SETD2: variants seen among roughly 807,000 people sequenced by gnomAD.
SETD2 encodes the protein histone-lysine N-methyltransferase SETD2.
A neutral mutation model predicts 242.1 loss-of-function variants in SETD2; 31 were observed. The observed-to-expected ratio is 0.13, with a 90% confidence interval of 0.10 to 0.17. The LOEUF (loss-of-function observed/expected upper bound fraction) is 0.17. SETD2 is among the 10% of genes least tolerant of loss of function. The probability of loss-of-function intolerance (pLI) is 1.00; values close to 1 mark genes in which losing one functional copy is unlikely to be tolerated. For missense variants in SETD2, 2,481 were observed against 3,046.3 expected (o/e 0.81, Z 4.37); for synonymous variants, 1,006 against 1,066.5 (o/e 0.94, Z 1.11).
chr3:47,128,501 C>G (rs937219323), intron 1 of SETD2, among the ~76,000 whole-genome samples: 1 of 152,078 alleles, frequency 6.6e-6, no homozygotes, highest in African/African-American at 2.4e-5. Context: ...CATATAAAAC[C>G]CTTTTCCCCA....
At position 47,152,514 on chromosome 3, in the gene SETD2, C is replaced by T. The variant is rs549004618; in HGVS notation, c.71+11340G>A. On this transcript the variant is annotated intron_variant, in intron 1 of 20. Transcript: ENST00000409792. Reference sequence around the variant, plus strand: ...GTATTTGCTCCACTTTACATTCACACAAAACTCATAAAAAATTTAAACTTT... The same window carrying T: ...GTATTTGCTCCACTTTACATTCACATAAAACTCATAAAAAATTTAAACTTT... Among the ~76,000 whole-genome samples, 3 of 152,276 alleles carry T rather than the reference C, an allele frequency of 2.0e-5. No homozygotes were observed. In the South Asian group the frequency reaches 6.2e-4, roughly 32 times the overall value.
At chr3:47,131,514 T>C (rs2043474753) in intron 1 of SETD2, among the ~76,000 whole-genome samples, 1 of 151,412 alleles carries the variant, frequency 6.6e-6, no homozygotes, top group South Asian at 2.1e-4. Context: ...CGGCTAATTT[T>C]TTGCATTTTT....
Position 47,158,373 on chromosome 3 carries a change from A to G in SETD2, c.71+5481T>C, listed in dbSNP as rs185271283. ...ACTTATACACAGATTTTTTTCAATAAAAGTTACACACCTTGTGCCTGCCTC... is the reference window on the plus strand; with the variant it reads ...ACTTATACACAGATTTTTTTCAATAGAAGTTACACACCTTGTGCCTGCCTC... On this transcript the variant is annotated intron_variant, in intron 1 of 20. Transcript: ENST00000409792. Among the ~76,000 whole-genome samples, 298 of 152,258 alleles carry G rather than the reference A, an allele frequency of 2.0e-3. 3 individuals carry two copies. The highest frequency in any genetic ancestry group is 6.5e-3 in the African/African-American group (272 of 41,544).
At chr3:47,060,577 G>C (rs2107585297) in intron 14 of SETD2, among the ~76,000 whole-genome samples, 1 of 151,796 alleles carries the variant, frequency 6.6e-6, no homozygotes. Context: ...GGGACAATTG[G>C]GTATTAAATA....
chr3:47,029,921 C>G (rs565410651), intron 18 of SETD2, among the ~76,000 whole-genome samples: 6 of 152,024 alleles, frequency 3.9e-5, no homozygotes, highest in Non-Finnish European at 8.8e-5. Context: ...TTTGGGAAGC[C>G]CAGATGGGCA....
In SETD2 at chr3:47,123,034, A is replaced by G. The variant is rs1183173051; in HGVS notation, c.1602T>C (p.Pro534=). 6 of 1,613,982 alleles carry G rather than the reference A, an allele frequency of 3.7e-6. No homozygotes were observed. The South Asian group carries it at 4.4e-5, about 12-fold the overall frequency. ...NEAIKRCCSP[P]NELGFRRGSS... The stretch of plus-strand genomic sequence containing the variant: ...ACCCTCGTCGGAATCCCAGTTCATT[A>G]GGGGGAGAACAACATCTTTTAATTG... Residue 534 remains proline (P), a synonymous_variant, in exon 3 of 21, where the codon CCT becomes CCC. Transcript: ENST00000409792.
intron 9 of SETD2, among the ~76,000 whole-genome samples, chr3:47,090,924 T>C (rs1006548711): frequency 1.3e-5 from 2 of 152,222 alleles, no homozygotes; most frequent in Non-Finnish European, 2.9e-5. Context: ...GGCAAGGCAC[T>C]GAACATTTTT....
intron 15 of SETD2, among the ~76,000 whole-genome samples, chr3:47,051,936 T>C (rs968890529): frequency 2.6e-5 from 4 of 152,192 alleles, no homozygotes; most frequent in Non-Finnish European, 4.4e-5. Context: ...TTGATTCATA[T>C]GGAATAAAGC....
Position 47,084,173 on chromosome 3 carries a change from G to A in SETD2, c.5607C>T (p.Asp1869=), listed in dbSNP as rs2041443633. 1 of 1,614,012 alleles carries A rather than the reference G, an allele frequency of 6.2e-7. No homozygotes were observed. Residue 1869 remains aspartate (D), a synonymous_variant, in exon 12 of 21, where the codon GAC becomes GAT. Transcript: ENST00000409792. The stretch of plus-strand genomic sequence containing the variant: ...ACATTAGTTTCTTGGGAGTGTCTGT[G>A]TCAGCTTCTGTGCTCAGCTTGGTGG... ...DPSTKLSTEA[D]TDTPKKLMFR...
intron 12 of SETD2, 135 bp from the exon 13 acceptor site, chr3:47,067,253 T>C: frequency 1.5e-6 from 1 of 683,902 alleles, no homozygotes; most frequent in Non-Finnish European, 2.6e-6. Context: ...ATTTGACTTA[T>C]ATCTGGGCTT....
At chr3:47,107,970 AC>A (rs1237470724) in intron 5 of SETD2, among the ~76,000 whole-genome samples, 1 of 151,672 alleles carries the variant, frequency 6.6e-6, no homozygotes, top group Non-Finnish European at 1.5e-5. Flanking sequence ...ACAGAGCAAG[AC>A]CCCATTGCAT....
At chr3:47,146,015 C>CACA in intron 1 of SETD2, among the ~76,000 whole-genome samples, 1 of 38,692 alleles carries the variant, frequency 2.6e-5, no homozygotes, top group Non-Finnish European at 4.0e-5. Flanking sequence ...GACCCTGTCT[C>CACA]AAAAAAAAAA....
intron 12 of SETD2, among the ~76,000 whole-genome samples, chr3:47,082,339 C>G (rs1559699545): frequency 1.3e-5 from 2 of 152,178 alleles, no homozygotes; most frequent in Non-Finnish European, 2.9e-5. Flanking sequence ...GCTATAAAGG[C>G]CTTTTCTGTG....
chr3:47,060,579 T>C (rs1023215107), intron 14 of SETD2, among the ~76,000 whole-genome samples: 2 of 152,142 alleles, frequency 1.3e-5, no homozygotes, highest in Non-Finnish European at 2.9e-5. Context: ...GACAATTGGG[T>C]ATTAAATAAA....
At position 47,083,787 on chromosome 3, in the gene SETD2, T is replaced by C; in HGVS notation, c.5993A>G (p.Gln1998Arg). Residue 1998 changes from glutamine to arginine, a missense_variant, in exon 12 of 21, where the codon CAG becomes CGG. Coordinates refer to ENST00000409792, the MANE Select transcript of SETD2 (RefSeq NM_014159.7). ...SDVESERSQE[Q>R]PDKTVDISDL... The stretch of plus-strand genomic sequence containing the variant: ...ACTTATATCCACTGTTTTATCTGGC[T>C]GTTCTTGGCTCCTTTCACTCTCCAC... 1 of 1,614,172 alleles carries C rather than the reference T, an allele frequency of 6.2e-7. No homozygotes were observed. Among genetic ancestry groups the C allele is most frequent in the Non-Finnish European group, 8.5e-7 (1 of 1,180,004 alleles).
intron 4 of SETD2, among the ~76,000 whole-genome samples, chr3:47,114,876 CAAAAA>C (rs764948151): frequency 1.8e-5 from 1 of 55,076 alleles, no homozygotes; most frequent in African/African-American, 5.1e-5. Context: ...GAGACTGTCT[CAAAAA>C]AAAAAAAAAA....
intron 18 of SETD2, chr3:47,028,722 A>G (rs559750240): frequency 6.6e-6 from 1 of 152,386 alleles, no homozygotes; most frequent in East Asian, 1.9e-4. Context: ...ATGAAAGAAA[A>G]CATGAACACA....
Position 47,122,276 on chromosome 3 carries a change from T to G in SETD2, c.2360A>C (p.Lys787Thr), listed in dbSNP as rs770560635. 3 of 1,614,160 alleles carry G rather than the reference T, an allele frequency of 1.9e-6. No individual in the cohort carries two copies. The highest frequency in any genetic ancestry group is 2.5e-6 in the Non-Finnish European group (3 of 1,180,000). Residue 787 changes from lysine (K) to threonine (T), a missense_variant, in exon 3 of 21, where the codon AAA becomes ACA. Lys to Thr is a moderately conservative substitution (Grantham distance 78, BLOSUM62 -1). Coordinates refer to ENST00000409792, the MANE Select transcript of SETD2 (RefSeq NM_014159.7). Reference protein sequence around the residue: ...EPVDTRVSCCKTKDSDIYCTL... With the variant: ...EPVDTRVSCCTTKDSDIYCTL... Reference sequence around the variant, plus strand: ...ACAGTATATGTCTGAATCTTTGGTTTTGCAGCAAGAAACCCTCGTATCAAC... The same window carrying G: ...ACAGTATATGTCTGAATCTTTGGTTGTGCAGCAAGAAACCCTCGTATCAAC...
At chr3:47,047,637 T>A (rs2039590086) in intron 15 of SETD2, among the ~76,000 whole-genome samples, 2 of 152,328 alleles carry the variant, frequency 1.3e-5, no homozygotes, top group Non-Finnish European at 1.5e-5. Flanking sequence ...GGTTTCTGAA[T>A]GAATAATTAC....
Sources: allele counts gnomAD v4.1 joint callset (sites outside exome capture counted in the v4.1 genomes callset), GRCh38; gene constraint gnomAD v4.1.1; transcripts MANE v1.5; gene names NCBI Gene and HGNC (gene_info 2026-07-23, HGNC 2026-07-21).